Variants in SEMA3A observed in about 807,000 individuals in gnomAD.
SEMA3A encodes the protein semaphorin-3A.
SEMA3A carries 29 observed loss-of-function variants against 97.9 expected under a neutral mutation model. The ratio of observed to expected loss-of-function variants is 0.30; its 90% confidence interval spans 0.22 to 0.40. SEMA3A has a LOEUF of 0.40. SEMA3A is among the 10% of genes least tolerant of loss of function. SEMA3A has a pLI of 1.00. For missense variants in SEMA3A, 763 were observed against 951.3 expected, an observed-to-expected ratio of 0.80 and a Z score of 2.60; for synonymous variants, 321 against 323.7, an observed-to-expected ratio of 0.99 and a Z score of 0.09.
At chr7:84,151,278 G>A (rs1796659844) in intron 1 of SEMA3A, among the ~76,000 whole-genome samples, 1 of 151,844 alleles carries the variant, frequency 6.6e-6, no homozygotes, top group South Asian at 2.1e-4. Context: ...GGCTTCAGAC[G>A]ATCAAATTAC....
chr7:83,981,436 G>T lies in SEMA3A; in HGVS notation c.1537C>A (p.Pro513Thr). The change falls in exon 14 of 17, where the codon CCT (proline) becomes ACT (threonine). Residue 513 changes from proline to threonine, a missense_variant. Coordinates refer to ENST00000265362, the MANE Select transcript of SEMA3A (RefSeq NM_006080.3). ...CCGTAAATATCACACCGGTGTAAAG[G>T]GAGCTGGGCAACCCCAGCCGTTGAA... ...IGSTAGVAQLPLHRCDIYGKA... is the reference protein window; with the variant it reads ...IGSTAGVAQLTLHRCDIYGKA... 1 of 1,613,470 alleles carries T rather than the reference G, an allele frequency of 6.2e-7. No individual in the cohort carries two copies. The highest frequency in any genetic ancestry group is 1.1e-5 in the South Asian group (1 of 90,906).
intron 1 of SEMA3A, among the ~76,000 whole-genome samples, chr7:84,380,323 T>A (rs1803225065): frequency 6.6e-6 from 1 of 152,202 alleles, no homozygotes; most frequent in African/African-American, 2.4e-5. Context: ...TAAACATGAA[T>A]AATTCCTATG....
intron 3 of SEMA3A, among the ~76,000 whole-genome samples, chr7:84,204,280 G>A (rs1798433283): frequency 6.6e-6 from 1 of 152,166 alleles, no homozygotes; most frequent in South Asian, 2.1e-4. Context: ...TAAGTCATAA[G>A]ATCATAATTT....
At chr7:84,238,706 G>A (rs1425367813) in intron 3 of SEMA3A, among the ~76,000 whole-genome samples, 1 of 151,370 alleles carries the variant, frequency 6.6e-6, no homozygotes, top group Non-Finnish European at 1.5e-5. Flanking sequence ...ACTATATCAT[G>A]AAAACTACAA....
chr7:84,188,041 C>T (rs141488682), intron 1 of SEMA3A, among the ~76,000 whole-genome samples: 230 of 152,124 alleles, frequency 1.5e-3, no homozygotes, highest in African/African-American at 5.2e-3. Flanking sequence ...ATTGCTGCAA[C>T]GCTTTAAGTT....
chr7:84,319,175 C>A (rs1199261470), intron 2 of SEMA3A, among the ~76,000 whole-genome samples: 2 of 151,934 alleles, frequency 1.3e-5, no homozygotes, highest in Non-Finnish European at 2.9e-5. Flanking sequence ...TAACCAGTGA[C>A]AATATTAGAA....
rs1788304827 is a variant in SEMA3A, at chr7:83,957,166, C to T, written c.*4205G>A. 1 of 152,054 alleles carries T rather than the reference C, an allele frequency of 6.6e-6. No homozygotes were observed. Among genetic ancestry groups the T allele is most frequent in the Admixed American group, 6.6e-5 (1 of 15,246 alleles). The allele number at this position is 152,054 out of a possible 1,614,324, so 9.4% of individuals were successfully genotyped here. A position where few individuals can be genotyped will look rare whatever the true frequency, so the allele number is the denominator to read the frequency against. On this transcript the variant is annotated 3_prime_UTR_variant, in exon 17 of 17. Transcript: ENST00000265362. The stretch of plus-strand genomic sequence containing the variant: ...GTAGTGTGACAATAAAAGGTATATA[C>T]AAGGCACAGGTTTAGCATAGAGAAG...
chr7:84,348,070 A>AT (rs1378456779), intron 2 of SEMA3A, among the ~76,000 whole-genome samples: 1 of 152,106 alleles, frequency 6.6e-6, no homozygotes, highest in Non-Finnish European at 1.5e-5. Flanking sequence ...GGGACTCTGC[A>AT]TTTTCTGCTC....
At chr7:84,435,262 C>A (rs958314398) in intron 1 of SEMA3A, among the ~76,000 whole-genome samples, 1 of 151,934 alleles carries the variant, frequency 6.6e-6, no homozygotes, top group Non-Finnish European at 1.5e-5. Context: ...GCTACACACA[C>A]ACACACACAC....
chr7:84,163,027 G>A (rs1193814731), intron 1 of SEMA3A, among the ~76,000 whole-genome samples: 3 of 152,122 alleles, frequency 2.0e-5, no homozygotes, highest in Non-Finnish European at 2.9e-5. Context: ...GTAATTGCTG[G>A]TAAGTCAAGA....
At chr7:84,260,729 G>C (rs534225469) in intron 3 of SEMA3A, among the ~76,000 whole-genome samples, 57 of 152,182 alleles carry the variant, frequency 3.7e-4, no homozygotes, top group Non-Finnish European at 6.5e-4. Context: ...GGAGGCCAAG[G>C]GGGGGACTGA....
At chr7:84,346,786 C>G (rs1347256783) in intron 2 of SEMA3A, among the ~76,000 whole-genome samples, 2 of 152,102 alleles carry the variant, frequency 1.3e-5, no homozygotes, top group Admixed American at 1.3e-4. Context: ...AAGTGTGACA[C>G]AGAGACATGA....
chr7:84,166,276 G>GAA (rs58279881), intron 1 of SEMA3A, among the ~76,000 whole-genome samples: 7 of 130,370 alleles, frequency 5.4e-5, no homozygotes, highest in African/African-American at 1.1e-4. Context: ...GGACCCTGTG[G>GAA]AAAAAAAAAA....
intron 2 of SEMA3A, among the ~76,000 whole-genome samples, chr7:84,329,786 A>C (rs1428121026): frequency 1.3e-5 from 2 of 152,188 alleles, no homozygotes; most frequent in East Asian, 3.9e-4. Context: ...GAGGGAACAC[A>C]GTGTATAATT....
intron 3 of SEMA3A, among the ~76,000 whole-genome samples, chr7:84,269,113 C>G (rs1229831275): frequency 1.3e-5 from 2 of 152,000 alleles, no homozygotes; most frequent in Non-Finnish European, 2.9e-5. Context: ...CAATAAATAG[C>G]CTGAATTTGT....
chr7:84,444,417 A>T (rs1016839904), intron 1 of SEMA3A, among the ~76,000 whole-genome samples: 1 of 152,104 alleles, frequency 6.6e-6, no homozygotes, highest in Non-Finnish European at 1.5e-5. Flanking sequence ...GGTATTGGTC[A>T]TATTTCTACT....
intron 12 of SEMA3A, among the ~76,000 whole-genome samples, chr7:84,001,522 T>C (rs1790450883): frequency 6.6e-6 from 1 of 152,114 alleles, no homozygotes; most frequent in Admixed American, 6.6e-5. Flanking sequence ...AAATAATTCA[T>C]ACGTAAGCTA....
At chr7:84,024,844 T>G (rs986532708) in intron 6 of SEMA3A, among the ~76,000 whole-genome samples, 2 of 152,074 alleles carry the variant, frequency 1.3e-5, no homozygotes, top group African/African-American at 4.8e-5. Context: ...TCCCAGAACT[T>G]TGGGAGGCCG....
chr7:84,192,665 A>G (rs1362172099), intron 1 of SEMA3A, among the ~76,000 whole-genome samples: 2 of 151,974 alleles, frequency 1.3e-5, no homozygotes, highest in African/African-American at 4.8e-5. Flanking sequence ...TGCCTCCTCT[A>G]TCATGGAGAG....
Sources: allele counts gnomAD v4.1 joint callset (sites outside exome capture counted in the v4.1 genomes callset), GRCh38; gene constraint gnomAD v4.1.1; transcripts MANE v1.5; gene names NCBI Gene and HGNC (gene_info 2026-07-23, HGNC 2026-07-21).